PLCG2: variants seen among roughly 807,000 people sequenced by gnomAD.
The protein encoded by PLCG2 is phospholipase C gamma 2, also known as 1-phosphatidylinositol 4,5-bisphosphate phosphodiesterase gamma-2.
Under a neutral mutation model 175.6 loss-of-function variants are expected in PLCG2, and 69 were observed. The ratio of observed to expected loss-of-function variants is 0.39; its 90% CI spans 0.32 to 0.48. The LOEUF (loss-of-function observed/expected upper bound fraction) is 0.48, where lower values mean the gene tolerates loss of function less well. PLCG2 is among the 20% of genes least tolerant of loss of function. PLCG2 has a pLI of 0.91. For missense variants in PLCG2, 1,798 were observed against 1,650.9 expected, an observed-to-expected ratio of 1.09 and a Z score of -1.54; for synonymous variants, 827 against 624.0, an observed-to-expected ratio of 1.33 and a Z score of -4.85.
intron 2 of PLCG2, among the ~76,000 whole-genome samples, chr16:81,834,941 T>C (rs1051184908): frequency 6.6e-6 from 1 of 152,130 alleles, no homozygotes; most frequent in Non-Finnish European, 1.5e-5. Context: ...AAGTGCCAAG[T>C]CCTTGCTGTA....
intron 2 of PLCG2, among the ~76,000 whole-genome samples, chr16:81,810,920 C>T (rs903201306): frequency 6.6e-6 from 1 of 152,168 alleles, no homozygotes; most frequent in African/African-American, 2.4e-5. Context: ...TTTTGCTTCC[C>T]TCTCTAAGAG....
At chr16:81,884,671 A>G (rs1393794221) in intron 9 of PLCG2, among the ~76,000 whole-genome samples, 2 of 151,572 alleles carry the variant, frequency 1.3e-5, no homozygotes, top group African/African-American at 4.9e-5. Flanking sequence ...TGTTTATATC[A>G]TTGGAGTTCC....
chr16:81,900,672 C>T lies in PLCG2; in HGVS notation c.1254C>T (p.Ala418=). Residue 418 remains alanine (A), a synonymous_variant, in exon 14 of 33, where the codon GCC becomes GCT. Transcript: ENST00000564138. ...GCGTGGAGCAACAGCGTCACATGGCCAAGGCCTTCAAGGAAGTATTTGGCG... is the reference window on the plus strand; with the variant it reads ...GCGTGGAGCAACAGCGTCACATGGCTAAGGCCTTCAAGGAAGTATTTGGCG... ...HCSVEQQRHM[A]KAFKEVFGDL... 2 of 1,612,948 alleles carry T rather than the reference C, an allele frequency of 1.2e-6. No homozygotes were observed. Among genetic ancestry groups the T allele is most frequent in the Non-Finnish European group, 1.7e-6 (2 of 1,178,988 alleles).
Position 81,909,128 on chromosome 16 carries a change from A to G in PLCG2, c.1733+537A>G, listed in dbSNP as rs148386639. ...TGAGGGCGTGCCCTGTGCTAGACAC[A>G]GTACTTATGCCAGACAGACAATGTC... On this transcript the variant is annotated intron_variant, in intron 17 of 32. Transcript: ENST00000564138. 2.4e-3 allele frequency among the ~76,000 whole-genome samples: 371 copies of G among 152,394 alleles called. 1 individual carries two copies. The highest frequency in any genetic ancestry group is 6.8e-3 in the Middle Eastern group (2 of 294).
intron 5 of PLCG2, among the ~76,000 whole-genome samples, chr16:81,862,610 C>T (rs1158855705): frequency 6.6e-6 from 1 of 152,106 alleles, no homozygotes; most frequent in Non-Finnish European, 1.5e-5. Flanking sequence ...TGGCTGACAC[C>T]TGTAATCCTA....
Position 81,937,769 on chromosome 16 carries a change from C to G in PLCG2, c.3064C>G (p.Gln1022Glu). Residue 1022 changes from glutamine (Q) to glutamate (E), a missense_variant, in exon 28 of 33, where the codon CAG becomes GAG. Gln to Glu is a conservative substitution (Grantham distance 29, BLOSUM62 2). Coordinates refer to ENST00000564138, the MANE Select transcript of PLCG2 (RefSeq NM_002661.5). ...LNFQTADKYMQMNHALFSLNG... is the reference protein window; with the variant it reads ...LNFQTADKYMEMNHALFSLNG... ...ACTTTCCTTCCCAGATAAGTACATG[C>G]AGATGAATCACGCATTGTTTTCTCT... 1 of 1,613,936 alleles carries G rather than the reference C, an allele frequency of 6.2e-7. No individual in the cohort carries two copies. Among genetic ancestry groups the G allele is most frequent in the South Asian group, 1.1e-5 (1 of 91,052 alleles).
At chr16:81,757,426 C>T (rs1245455588) in intron 2 of PLCG2, among the ~76,000 whole-genome samples, 8 of 152,058 alleles carry the variant, frequency 5.3e-5, no homozygotes, top group Admixed American at 1.3e-4. Context: ...TAGCCGGGCG[C>T]GGTGGCAGGT....
In PLCG2 at chr16:81,961,358, C is replaced by G. The variant is rs193084737; in HGVS notation, c.*3360C>G. ...TGAAATAATTGTGGAGAAAAGCCCT[C>G]TTTATCTCATTAAGTGATACATTTC... On this transcript the variant is annotated 3_prime_UTR_variant, in exon 33 of 33. Coordinates refer to ENST00000564138, the MANE Select transcript of PLCG2 (RefSeq NM_002661.5). 2.6e-3 allele frequency: 588 copies of G among 226,178 alleles called. 2 individuals are homozygous for G. The highest frequency in any genetic ancestry group is 3.5e-3 in the Non-Finnish European group (397 of 113,682). 14.0% of individuals were successfully genotyped at this position (226,178 alleles called of 1,614,324 possible). A position where few individuals can be genotyped will look rare whatever the true frequency, so the allele number is the denominator to read the frequency against.
At chr16:81,917,249 G>A (rs1453167367) in intron 19 of PLCG2, among the ~76,000 whole-genome samples, 1 of 128,342 alleles carries the variant, frequency 7.8e-6, no homozygotes, top group Non-Finnish European at 1.6e-5. Flanking sequence ...TTTTTTTAAA[G>A]CAAATGGTAT....
chr16:81,882,353 T>A (rs1393866910), intron 8 of PLCG2, among the ~76,000 whole-genome samples: 1 of 152,108 alleles, frequency 6.6e-6, no homozygotes, highest in Non-Finnish European at 1.5e-5. Context: ...TCCAGGGAAG[T>A]GTCTTTCACA....
At chr16:81,852,349 C>T (rs34748139) in intron 2 of PLCG2, among the ~76,000 whole-genome samples, 21,660 of 152,108 alleles carry the variant, frequency 0.14, 1,642 homozygotes, top group Middle Eastern at 0.2. Context: ...CTGGCCCCTG[C>T]TGTCGCCTTC....
At chr16:81,827,827 A>T (rs150295322) in intron 2 of PLCG2, among the ~76,000 whole-genome samples, 2 of 152,088 alleles carry the variant, frequency 1.3e-5, no homozygotes, top group Non-Finnish European at 1.5e-5. Flanking sequence ...ACGGTGGTTC[A>T]TGCCTGTAAT....
rs944151178 is a variant in PLCG2 at position 81,891,465 on chromosome 16, C to G, written c.868-7C>G. On this transcript the variant is annotated splice_region_variant and splice_polypyrimidine_tract_variant and intron_variant, in intron 10 of 32. Coordinates refer to ENST00000564138, the MANE Select transcript of PLCG2 (RefSeq NM_002661.5). ...GATGATTCGGTCTTCGTGTTTGACT[C>G]TTTTAGTTCCTCACGTACCTGTTTT... The G allele has an allele frequency of 6.1e-6, 9 of 1,476,732 alleles. No homozygotes were observed. The highest frequency in any genetic ancestry group is 1.4e-5 in the African/African-American group (1 of 72,302). The allele number at this position is 1,476,732 out of a possible 1,614,324, so 91.5% of individuals were successfully genotyped here.
At chr16:81,810,533 C>A (rs1453961503) in intron 2 of PLCG2, among the ~76,000 whole-genome samples, 1 of 152,168 alleles carries the variant, frequency 6.6e-6, no homozygotes, top group South Asian at 2.1e-4. Context: ...TTCACACATG[C>A]CCTGCTGAGG....
At chr16:81,768,423 G>C (rs1316896253) in intron 2 of PLCG2, among the ~76,000 whole-genome samples, 5 of 152,128 alleles carry the variant, frequency 3.3e-5, no homozygotes, top group Admixed American at 3.3e-4. Context: ...AGGTGAGTTT[G>C]CTGGGTCATA....
chr16:81,796,162 C>T (rs993619977), intron 2 of PLCG2, among the ~76,000 whole-genome samples: 5 of 152,250 alleles, frequency 3.3e-5, no homozygotes, highest in African/African-American at 1.2e-4. Context: ...GAGGACTTTC[C>T]TGTCTGTAAC....
chr16:81,798,084 G>A (rs1163401754), intron 2 of PLCG2, among the ~76,000 whole-genome samples: 2 of 152,074 alleles, frequency 1.3e-5, no homozygotes, highest in Non-Finnish European at 2.9e-5. Context: ...GCCTGCATTG[G>A]CCTCCCAAAG....
At chr16:81,825,298 T>G (rs7201531) in intron 2 of PLCG2, among the ~76,000 whole-genome samples, 2,557 of 145,402 alleles carry the variant, frequency 0.018, 71 homozygotes, top group African/African-American at 0.064. Context: ...TTTTTTTTTT[T>G]TTTTTTTTGA....
At chr16:81,870,432 T>C (rs890459142) in intron 6 of PLCG2, among the ~76,000 whole-genome samples, 1 of 152,222 alleles carries the variant, frequency 6.6e-6, no homozygotes. Flanking sequence ...TCTACAAATA[T>C]GTCTGAAGTT....
Sources: allele counts gnomAD v4.1 joint callset (sites outside exome capture counted in the v4.1 genomes callset), GRCh38; gene constraint gnomAD v4.1.1; transcripts MANE v1.5; gene names NCBI Gene and HGNC (gene_info 2026-07-23, HGNC 2026-07-21).